Variants in MACROD2 observed in about 807,000 individuals in gnomAD.
MACROD2 encodes mono-ADP ribosylhydrolase 2, also known as ADP-ribose glycohydrolase MACROD2.
MACROD2 carries 36 observed loss-of-function variants against 70.4 expected under a neutral mutation model. That is an observed-to-expected ratio of 0.51 (90% CI 0.39 to 0.68). The LOEUF is 0.68. Among genes scored for constraint, MACROD2 ranks in the 30% least tolerant of loss-of-function variants. The probability of loss-of-function intolerance (pLI) is 0.00; values close to 1 mark genes in which losing one functional copy is unlikely to be tolerated. For synonymous variants in MACROD2, 172 were observed against 178.8 expected, an observed-to-expected ratio of 0.96 and a Z score of 0.30; for missense variants, 496 against 538.4, an observed-to-expected ratio of 0.92 and a Z score of 0.78.
intron 8 of MACROD2, among the ~76,000 whole-genome samples, chr20:15,536,872 G>A (rs142343019): frequency 1.3e-5 from 2 of 152,168 alleles, no homozygotes; most frequent in African/African-American, 4.8e-5. Flanking sequence ...TGTTTATAAT[G>A]CTTAAGTGGA....
At chr20:15,879,124 G>A (rs10460645) in intron 9 of MACROD2, among the ~76,000 whole-genome samples, 110,394 of 152,010 alleles carry the variant, frequency 0.73, 41,464 homozygotes, top group East Asian at 0.85. Flanking sequence ...GAACAATGCC[G>A]TCTGATTGAT....
chr20:14,697,693 A>G (rs2123626069), intron 5 of MACROD2, among the ~76,000 whole-genome samples: 1 of 152,290 alleles, frequency 6.6e-6, no homozygotes, highest in East Asian at 1.9e-4. Flanking sequence ...GATATTTTAA[A>G]GGCTGAATGT....
At chr20:14,273,547 G>T (rs1329516729) in intron 3 of MACROD2, among the ~76,000 whole-genome samples, 3 of 145,078 alleles carry the variant, frequency 2.1e-5, no homozygotes, top group African/African-American at 7.8e-5. Flanking sequence ...AAGCAGGAAA[G>T]ATCCAAAATT....
At chr20:15,065,287 G>A (rs1180486059) in intron 5 of MACROD2, among the ~76,000 whole-genome samples, 1 of 152,068 alleles carries the variant, frequency 6.6e-6, no homozygotes, top group Non-Finnish European at 1.5e-5. Flanking sequence ...ACTGGTACAT[G>A]GAAGAAGAAA....
chr20:14,127,972 C>A, intron 3 of MACROD2: 1 of 515,388 alleles, frequency 1.9e-6, no homozygotes, highest in African/African-American at 1.9e-5. Context: ...GAAATAGTCC[C>A]AAGAACAGTT....
intron 5 of MACROD2, among the ~76,000 whole-genome samples, chr20:14,891,774 A>G (rs905414678): frequency 6.6e-6 from 1 of 152,172 alleles, no homozygotes; most frequent in African/African-American, 2.4e-5. Flanking sequence ...AAAGAACCAT[A>G]TATAGCAACA....
At chr20:14,442,848 G>A (rs6110290) in intron 3 of MACROD2, among the ~76,000 whole-genome samples, 65,631 of 151,828 alleles carry the variant, frequency 0.43, 15,947 homozygotes, top group East Asian at 0.82. Flanking sequence ...AAGCCGAGGC[G>A]GGCAGATCAT....
At chr20:15,974,734 A>T (rs1189852360) in intron 13 of MACROD2, among the ~76,000 whole-genome samples, 1 of 152,040 alleles carries the variant, frequency 6.6e-6, no homozygotes, top group Non-Finnish European at 1.5e-5. Context: ...ACCTAAAACC[A>T]CTCTACAAAA....
chr20:15,819,480 G>A (rs920651715), intron 8 of MACROD2, among the ~76,000 whole-genome samples: 5 of 142,230 alleles, frequency 3.5e-5, no homozygotes, highest in East Asian at 2.0e-4. Flanking sequence ...TAAATATATA[G>A]TTATATTGAT....
chr20:14,347,650 G>A (rs984693780), intron 3 of MACROD2, among the ~76,000 whole-genome samples: 1 of 152,242 alleles, frequency 6.6e-6, no homozygotes, highest in East Asian at 1.9e-4. Flanking sequence ...GTTTACAGGA[G>A]AATCCATGGG....
intron 8 of MACROD2, among the ~76,000 whole-genome samples, chr20:15,749,830 C>T (rs1168817133): frequency 6.6e-6 from 1 of 152,026 alleles, no homozygotes; most frequent in African/African-American, 2.4e-5. Flanking sequence ...AGACACCTAT[C>T]TCTCGCTACA....
At chr20:15,455,799 GAT>G (rs1407365775) in intron 7 of MACROD2, among the ~76,000 whole-genome samples, 2 of 152,120 alleles carry the variant, frequency 1.3e-5, no homozygotes, top group East Asian at 3.9e-4. Flanking sequence ...TTCCTACATG[GAT>G]TACAACCTTC....
chr20:14,271,203 T>C (rs1490696794), intron 3 of MACROD2, among the ~76,000 whole-genome samples: 1 of 152,196 alleles, frequency 6.6e-6, no homozygotes, highest in Non-Finnish European at 1.5e-5. Flanking sequence ...AGTGGGTCCC[T>C]GACCCCTGAC....
At chr20:15,405,516 A>G (rs979006279) in intron 6 of MACROD2, among the ~76,000 whole-genome samples, 4 of 152,128 alleles carry the variant, frequency 2.6e-5, no homozygotes, top group African/African-American at 7.2e-5. Context: ...AGAAATCTCT[A>G]CTGAAGTCTG....
At chr20:14,771,731 T>G (rs1349927751) in intron 5 of MACROD2, among the ~76,000 whole-genome samples, 4 of 141,380 alleles carry the variant, frequency 2.8e-5, no homozygotes, top group African/African-American at 1.1e-4. Flanking sequence ...CACGTTATAC[T>G]TATCCTACAC....
Position 15,205,701 on chromosome 20 carries a change from C to G in MACROD2, c.419-24239C>G, listed in dbSNP as rs1236007215. 5.9e-5 allele frequency among the ~76,000 whole-genome samples: 9 copies of G among 152,248 alleles called. No homozygotes were observed. In the East Asian group the frequency reaches 1.4e-3, roughly 23 times the overall value. ...TAGATAGAGGTAGAGAATTTAAATC[C>G]CTGCCACAAATTCTTTGTTGGTGTT... On this transcript the variant is annotated intron_variant, in intron 5 of 17. Transcript: ENST00000684519.
intron 8 of MACROD2, among the ~76,000 whole-genome samples, chr20:15,542,891 G>T (rs143387348): frequency 1.3e-5 from 2 of 152,196 alleles, no homozygotes; most frequent in East Asian, 3.9e-4. Flanking sequence ...CACGTCCTAC[G>T]CAGCACAACT....
chr20:14,337,857 T>C (rs898968743), intron 3 of MACROD2, among the ~76,000 whole-genome samples: 2 of 152,210 alleles, frequency 1.3e-5, no homozygotes, highest in South Asian at 2.1e-4. Flanking sequence ...TTCTAAAGTT[T>C]ACTACAAGGC....
At chr20:15,512,516 A>G (rs998795822) in intron 8 of MACROD2, among the ~76,000 whole-genome samples, 2 of 152,258 alleles carry the variant, frequency 1.3e-5, no homozygotes, top group Non-Finnish European at 2.9e-5. Context: ...CAACAGGGCT[A>G]TCTCATGGAT....
Sources: allele counts gnomAD v4.1 joint callset (sites outside exome capture counted in the v4.1 genomes callset), GRCh38; gene constraint gnomAD v4.1.1; transcripts MANE v1.5; gene names NCBI Gene and HGNC (gene_info 2026-07-23, HGNC 2026-07-21).